Variants in DPYSL3 observed in about 807,000 individuals in gnomAD.
DPYSL3 encodes the protein dihydropyrimidinase like 3.
A neutral mutation model predicts 66.1 loss-of-function variants in DPYSL3; 16 were observed. That is an observed-to-expected ratio of 0.24 (90% CI 0.16 to 0.37). DPYSL3 has a LOEUF of 0.37. Among genes scored for constraint, DPYSL3 ranks in the 10% least tolerant of loss-of-function variants. The pLI is 1.00. For missense variants in DPYSL3, 738 were observed against 916.2 expected, an observed-to-expected ratio of 0.81 and a Z score of 2.51; for synonymous variants, 338 against 345.1, an observed-to-expected ratio of 0.98 and a Z score of 0.23.
At chr5:147,481,947 C>T (rs1307554417) in intron 1 of DPYSL3, among the ~76,000 whole-genome samples, 1 of 152,168 alleles carries the variant, frequency 6.6e-6, no homozygotes, top group African/African-American at 2.4e-5. Flanking sequence ...GATGCCTGCA[C>T]ATACAGTGGG....
At chr5:147,486,819 A>G (rs1358444088) in intron 1 of DPYSL3, among the ~76,000 whole-genome samples, 1 of 152,204 alleles carries the variant, frequency 6.6e-6, no homozygotes, top group African/African-American at 2.4e-5. Flanking sequence ...ACTGACCTCT[A>G]AGTCAGATTT....
intron 6 of DPYSL3, among the ~76,000 whole-genome samples, chr5:147,410,915 G>A (rs1013742261): frequency 4.6e-5 from 7 of 152,104 alleles, no homozygotes; most frequent in Non-Finnish European, 1.0e-4. Context: ...ATCTTCCCAA[G>A]GTAGGGAAAT....
chr5:147,452,039 A>G (rs1259860285), intron 1 of DPYSL3, among the ~76,000 whole-genome samples: 1 of 151,998 alleles, frequency 6.6e-6, no homozygotes, highest in African/African-American at 2.4e-5. Flanking sequence ...GCTGGCCTCA[A>G]CTCTTCTCCC....
At chr5:147,429,024 T>C (rs906129382) in intron 1 of DPYSL3, among the ~76,000 whole-genome samples, 1 of 152,170 alleles carries the variant, frequency 6.6e-6, no homozygotes, top group Non-Finnish European at 1.5e-5. Flanking sequence ...TCACCTTCTG[T>C]TCCTGGCAGC....
chr5:147,479,754 C>G (rs1581212648), intron 1 of DPYSL3, among the ~76,000 whole-genome samples: 1 of 152,100 alleles, frequency 6.6e-6, no homozygotes, highest in Admixed American at 6.6e-5. Context: ...GCCTGATAAT[C>G]CCTGAAGCAA....
In DPYSL3 at chr5:147,393,253, G is replaced by C. The variant is rs1337772775; in HGVS notation, c.*782C>G. The C allele has an allele frequency of 6.6e-6, 1 of 152,302 alleles. No homozygotes were observed. The highest frequency in any genetic ancestry group is 1.9e-4 in the East Asian group (1 of 5,172). 9.4% of individuals were successfully genotyped at this position (152,302 alleles called of 1,614,324 possible). A position where few individuals can be genotyped will look rare whatever the true frequency, so the allele number is the denominator to read the frequency against. ...GGCAGGGAGGGCAAGAGGAAGAGAA[G>C]TGTCATTTGCTCTGTCCCTGCCTGG... On this transcript the variant is annotated 3_prime_UTR_variant, in exon 14 of 14. Transcript: ENST00000343218.
chr5:147,413,487 G>A (rs1751897186), intron 5 of DPYSL3, 109 bp downstream of exon 5: 2 of 834,236 alleles, frequency 2.4e-6, no homozygotes, highest in Admixed American at 2.2e-5. Flanking sequence ...TTCTGGCCCA[G>A]TGGTCTCCCA....
chr5:147,498,517 G>A lies in DPYSL3; in HGVS notation c.381+10961C>T, dbSNP rs150110641. 5.1e-3 allele frequency among the ~76,000 whole-genome samples: 776 copies of A among 152,260 alleles called. 5 individuals carry two copies. Among genetic ancestry groups the A allele is most frequent in the Non-Finnish European group, 7.9e-3 (538 of 68,016 alleles). On this transcript the variant is annotated intron_variant, in intron 1 of 13. Transcript: ENST00000343218. ...TAAGTCTCTGAGGAATTGCCACACC[G>A]TCTTCCACAATGGCTGAACTAATTT...
At chr5:147,487,096 C>A (rs1753345583) in intron 1 of DPYSL3, among the ~76,000 whole-genome samples, 1 of 152,230 alleles carries the variant, frequency 6.6e-6, no homozygotes, top group African/African-American at 2.4e-5. Context: ...TGCTACCTTG[C>A]CACCTCTCCT....
At position 147,483,046 on chromosome 5, in the gene DPYSL3, C is replaced by T. The variant is rs1422135928; in HGVS notation, c.381+26432G>A. Among the ~76,000 whole-genome samples the T allele has an allele frequency of 3.3e-5, 5 of 152,126 alleles. No individual in the cohort carries two copies. The South Asian group carries it at 6.2e-4, about 19-fold the overall frequency. On this transcript the variant is annotated intron_variant, in intron 1 of 13. Transcript: ENST00000343218. ...TTCCCACCAGATCTCTCGCTTGACA[C>T]GTTGGGATTACAATTCAAGATGAGA... is the stretch of plus-strand genomic sequence containing the variant.
At chr5:147,437,313 T>C (rs1482415089) in intron 1 of DPYSL3, among the ~76,000 whole-genome samples, 2 of 152,192 alleles carry the variant, frequency 1.3e-5, no homozygotes, top group Non-Finnish European at 2.9e-5. Context: ...CCCGCCAAAA[T>C]GCAACTCCCA....
At chr5:147,446,085 ACT>A (rs1432734733) in intron 1 of DPYSL3, among the ~76,000 whole-genome samples, 1 of 151,526 alleles carries the variant, frequency 6.6e-6, no homozygotes, top group Non-Finnish European at 1.5e-5. Context: ...CTTTCTCCCT[ACT>A]CTCTTTTCCC....
At chr5:147,466,795 G>A (rs1753016038) in intron 1 of DPYSL3, among the ~76,000 whole-genome samples, 1 of 152,114 alleles carries the variant, frequency 6.6e-6, no homozygotes, top group Admixed American at 6.6e-5. Flanking sequence ...CCTGTTTCCT[G>A]TACTCAGCTA....
intron 3 of DPYSL3, among the ~76,000 whole-genome samples, chr5:147,417,709 C>G (rs1751998488): frequency 6.6e-6 from 1 of 152,014 alleles, no homozygotes; most frequent in African/African-American, 2.4e-5. Flanking sequence ...CAATGGCATG[C>G]AACTCCCTAG....
chr5:147,500,762 T>C (rs1753595304), intron 1 of DPYSL3, among the ~76,000 whole-genome samples: 1 of 151,904 alleles, frequency 6.6e-6, no homozygotes, highest in Non-Finnish European at 1.5e-5. Context: ...AAAACAACAA[T>C]GAGATACCAC....
At chr5:147,463,149 A>G (rs529237703) in intron 1 of DPYSL3, among the ~76,000 whole-genome samples, 52 of 152,276 alleles carry the variant, frequency 3.4e-4, no homozygotes, top group Non-Finnish European at 6.5e-4. Flanking sequence ...CTTTTGCTCC[A>G]GCACCTTTCT....
chr5:147,411,237 G>A (rs1420377788), intron 6 of DPYSL3, among the ~76,000 whole-genome samples: 1 of 152,188 alleles, frequency 6.6e-6, no homozygotes, highest in East Asian at 1.9e-4. Flanking sequence ...CGAAAGTGCT[G>A]TCAGGGTCCT....
At chr5:147,398,433 T>C (rs1243655444) in intron 11 of DPYSL3, among the ~76,000 whole-genome samples, 1 of 152,190 alleles carries the variant, frequency 6.6e-6, no homozygotes, top group South Asian at 2.1e-4. Flanking sequence ...ATTTTTAATC[T>C]ATAAAACGGA....
At position 147,401,700 on chromosome 5, in the gene DPYSL3, G is replaced by C; in HGVS notation, c.1154-4C>G. Reference sequence around the variant, plus strand: ...GGCTCACCAAAGACTACATTTCCTAGAAGGGGCAGGAAACAGACAAGGGGT... The same window carrying C: ...GGCTCACCAAAGACTACATTTCCTACAAGGGGCAGGAAACAGACAAGGGGT... On this transcript the variant is annotated splice_region_variant and splice_polypyrimidine_tract_variant and intron_variant, in intron 8 of 13. Transcript: ENST00000343218. 1.2e-6 allele frequency: 2 copies of C among 1,614,002 alleles called. No individual in the cohort carries two copies. The highest frequency in any genetic ancestry group is 1.7e-6 in the Non-Finnish European group (2 of 1,179,974).
Sources: allele counts gnomAD v4.1 joint callset (sites outside exome capture counted in the v4.1 genomes callset), GRCh38; gene constraint gnomAD v4.1.1; transcripts MANE v1.5; gene names NCBI Gene and HGNC (gene_info 2026-07-23, HGNC 2026-07-21).